WDR20: variants seen among roughly 807,000 people sequenced by gnomAD.
WDR20 encodes the protein WD repeat domain 20.
Under a neutral mutation model 38.7 loss-of-function variants are expected in WDR20, and 3 were observed. The ratio of observed to expected loss-of-function variants is 0.08; its 90% CI spans 0.04 to 0.20. The LOEUF (loss-of-function observed/expected upper bound fraction) is 0.20, where lower values mean the gene tolerates loss of function less well. WDR20 is among the 10% of genes least tolerant of loss of function. The pLI, the probability that WDR20 is intolerant of heterozygous loss-of-function variation, is 1.00. For synonymous variants in WDR20, 298 were observed against 285.6 expected (o/e 1.04, Z -0.44); for missense variants, 559 against 727.7 (o/e 0.77, Z 2.67).
intron 1 of WDR20, among the ~76,000 whole-genome samples, chr14:102,187,351 G>A (rs936652838): frequency 6.6e-6 from 1 of 152,160 alleles, no homozygotes; most frequent in Non-Finnish European, 1.5e-5. Flanking sequence ...CAGCTAATAA[G>A]TGTGGCACAT....
At chr14:102,202,535 A>G (rs1354638281) in intron 2 of WDR20, among the ~76,000 whole-genome samples, 1 of 151,556 alleles carries the variant, frequency 6.6e-6, no homozygotes, top group Admixed American at 6.6e-5. Flanking sequence ...ACCCGCCACC[A>G]TGCCCAGCTA....
intron 1 of WDR20, among the ~76,000 whole-genome samples, chr14:102,172,306 T>G (rs1476371896): frequency 3.3e-5 from 5 of 150,672 alleles, no homozygotes; most frequent in African/African-American, 9.7e-5. Flanking sequence ...CATGTCTGCT[T>G]CTTTCCACAC....
At chr14:102,173,685 A>G (rs961681446) in intron 1 of WDR20, among the ~76,000 whole-genome samples, 2 of 148,862 alleles carry the variant, frequency 1.3e-5, no homozygotes, top group African/African-American at 5.0e-5. Context: ...TTGCATCCTC[A>G]TAGCTTAGCT....
chr14:102,210,629 C>A, downstream of WDR20: 2 of 777,324 alleles, frequency 2.6e-6, no homozygotes, highest in South Asian at 5.8e-5. Flanking sequence ...ACGCCAACAG[C>A]ATTGCAGAAG....
At chr14:102,156,985 C>T (rs970871656) in intron 1 of WDR20, among the ~76,000 whole-genome samples, 4 of 151,758 alleles carry the variant, frequency 2.6e-5, no homozygotes, top group South Asian at 2.1e-4. Context: ...AGCAAGACTC[C>T]GTCTCAAAAT....
chr14:102,170,526 T>G (rs1352046492), intron 1 of WDR20, among the ~76,000 whole-genome samples: 3 of 152,170 alleles, frequency 2.0e-5, no homozygotes, highest in Non-Finnish European at 4.4e-5. Context: ...TTTCTTGTGC[T>G]ATGAATTAAG....
intron 1 of WDR20, among the ~76,000 whole-genome samples, chr14:102,161,139 TA>T (rs1272744091): frequency 0.029 from 560 of 19,080 alleles, 29 homozygotes; most frequent in Non-Finnish European, 0.046. Flanking sequence ...TATATATATA[TA>T]TATTTTTTTT....
chr14:102,150,326 T>G (rs758332180), intron 1 of WDR20, among the ~76,000 whole-genome samples: 1 of 152,044 alleles, frequency 6.6e-6, no homozygotes, highest in African/African-American at 2.4e-5. Flanking sequence ...AATTAAAAAT[T>G]AGCTGAGTGT....
chr14:102,149,165 AAAAC>A (rs973336481), intron 1 of WDR20, among the ~76,000 whole-genome samples: 17 of 152,220 alleles, frequency 1.1e-4, no homozygotes, highest in Admixed American at 4.6e-4. Context: ...CTCTCAAAAC[AAAAC>A]AAACAAACAA....
At chr14:102,189,415 C>T (rs1371082583) in intron 1 of WDR20, among the ~76,000 whole-genome samples, 1 of 152,026 alleles carries the variant, frequency 6.6e-6, no homozygotes, top group Non-Finnish European at 1.5e-5. Context: ...TCAGTAACTC[C>T]TTATGCAAAC....
At chr14:102,211,551 C>T (rs116011974), downstream of WDR20, among the ~76,000 whole-genome samples, 701 of 152,364 alleles carry the variant, frequency 4.6e-3, 6 homozygotes, top group African/African-American at 0.016. This position sits in a 1 kb window ranked among gnomAD's most constrained non-coding sequence, Gnocchi z 4.2. Flanking sequence ...TCAGGTGCAT[C>T]TCTCCTGGCT....
chr14:102,182,345 C>A (rs2152885436), intron 1 of WDR20, among the ~76,000 whole-genome samples: 1 of 152,284 alleles, frequency 6.6e-6, no homozygotes, highest in East Asian at 1.9e-4. Context: ...GCCATGGCTT[C>A]CTCATCTGTT....
intron 1 of WDR20, among the ~76,000 whole-genome samples, chr14:102,166,111 A>ACCCCCCC (rs1292802413): frequency 1.3e-5 from 1 of 78,254 alleles, no homozygotes; most frequent in Non-Finnish European, 2.6e-5. Context: ...CCCATCCCCC[A>ACCCCCCC]CCCCCCTTCT....
rs879293454 is a variant in WDR20, at chr14:102,220,988, G to A, written c.1693-1842G>A. ...CACCATGTTGGCCAGGCTGGTCTCA[G>A]ACTCCTGGGCTCAAGTAATCTCCCC... On this transcript the variant is annotated intron_variant, in intron 3 of 3. Coordinates refer to the WDR20 transcript ENST00000335263. The surrounding 1 kb of genome is among the most constrained non-coding windows in gnomAD (Gnocchi z 4.2). Among the ~76,000 whole-genome samples, 26 of 152,088 alleles carry A rather than the reference G, an allele frequency of 1.7e-4. No homozygotes were observed. The highest frequency in any genetic ancestry group is 2.5e-4 in the Non-Finnish European group (17 of 68,014).
intron 1 of WDR20, among the ~76,000 whole-genome samples, chr14:102,155,018 C>A (rs2152741283): frequency 6.6e-6 from 1 of 152,300 alleles, no homozygotes; most frequent in South Asian, 2.1e-4. Context: ...GCTGCCATCC[C>A]AGCAGTTCTG....
downstream of WDR20, among the ~76,000 whole-genome samples, chr14:102,218,440 T>A (rs934832277): frequency 2.0e-5 from 3 of 152,234 alleles, no homozygotes; most frequent in Non-Finnish European, 1.5e-5. Context: ...TTCTCTGACG[T>A]GGCCTGTGGC....
chr14:102,142,775 T>TGC (rs373456105), intron 1 of WDR20, among the ~76,000 whole-genome samples: 15 of 4,492 alleles, frequency 3.3e-3, no homozygotes, highest in East Asian at 0.017. Context: ...CTGTTTTGAC[T>TGC]TTTTTTTTTT....
rs1484781970 is a variant in WDR20, at chr14:102,220,983, T to TCTCAGACTCCTGGG, written c.1693-1842_1693-1829dup. 1.3e-5 allele frequency among the ~76,000 whole-genome samples: 2 copies of TCTCAGACTCCTGGG among 152,140 alleles called. No homozygotes were observed. Among genetic ancestry groups the TCTCAGACTCCTGGG allele is most frequent in the Non-Finnish European group, 2.9e-5 (2 of 68,018 alleles). On this transcript the variant is annotated intron_variant, in intron 3 of 3. Transcript: ENST00000335263. The surrounding 1 kb of genome is among the most constrained non-coding windows in gnomAD (Gnocchi z 4.2). ...AGTTTCACCATGTTGGCCAGGCTGG[T>TCTCAGACTCCTGGG]CTCAGACTCCTGGGCTCAAGTAATC...
At chr14:102,161,719 G>GT (rs2058796210) in intron 1 of WDR20, among the ~76,000 whole-genome samples, 1 of 152,084 alleles carries the variant, frequency 6.6e-6, no homozygotes, top group African/African-American at 2.4e-5. Flanking sequence ...GATTCCATTG[G>GT]TTCTGCTTTC....
Sources: gnomAD v4.1 joint callset for allele counts (sites outside exome capture counted in the v4.1 genomes callset) on GRCh38, gnomAD v4.1.1 for gene constraint, Gnocchi (gnomAD v3.1) non-coding constraint, MANE v1.5 for transcripts, NCBI Gene and HGNC (gene_info 2026-07-23, HGNC 2026-07-21) for gene names.